CDKL5: variants seen among roughly 807,000 people sequenced by gnomAD.
CDKL5 encodes cyclin-dependent kinase-like 5.
CDKL5 carries 8 observed loss-of-function variants against 61.7 expected under a neutral mutation model. The observed-to-expected ratio is 0.13, with a 90% CI of 0.08 to 0.23. The LOEUF is 0.23. Among genes scored for constraint, CDKL5 ranks in the 10% least tolerant of loss-of-function variants. The pLI is 1.00. For missense variants in CDKL5, 440 were observed against 734.5 expected, an observed-to-expected ratio of 0.60 and a Z score of 4.63; for synonymous variants, 275 against 272.3, an observed-to-expected ratio of 1.01 and a Z score of -0.10.
At position 18,603,841 on chromosome X, in the gene CDKL5, A is replaced by G; in HGVS notation, c.978-61A>G. 8.6e-6 allele frequency: 10 copies of G among 1,158,078 alleles called. No homozygotes were observed. In the South Asian group the frequency reaches 1.3e-4, roughly 15 times the overall value. On this transcript the variant is annotated intron_variant, in intron 11 of 17. Transcript: ENST00000623535. The stretch of plus-strand genomic sequence containing the variant: ...TGAGTATTTGTTCTTTCTTTTTAAC[A>G]ATACTTTTTGTGTGTCAGCTATTGA...
At chrX:18,594,680 A>G (rs1925933105) in intron 9 of CDKL5, among the ~76,000 whole-genome samples, 1 of 112,671 alleles carries the variant, frequency 8.9e-6, no homozygotes, top group Non-Finnish European at 1.9e-5. Flanking sequence ...ATTAAGAATC[A>G]TGTGTATAAG....
intron 1 of CDKL5, among the ~76,000 whole-genome samples, chrX:18,473,651 G>A (rs1921187589): frequency 9.1e-6 from 1 of 109,647 alleles, no homozygotes; most frequent in Non-Finnish European, 1.9e-5. Context: ...ACTGTGATAT[G>A]GACAGTGCTG....
chrX:18,632,232 A>T lies in CDKL5; in HGVS notation c.*3475A>T, dbSNP rs971913264. 6.6e-6 allele frequency: 5 copies of T among 752,488 alleles called. No homozygotes were observed. The allele number at this position is 752,488 out of a possible 1,213,427, so 62.0% of individuals were successfully genotyped here. A position where few individuals can be genotyped will look rare whatever the true frequency, so the allele number is the denominator to read the frequency against. On this transcript the variant is annotated 3_prime_UTR_variant, in exon 18 of 18. Transcript: ENST00000623535. ...TAAGAGTCTTCAACCACTATGCCTG[A>T]ATCCTTGGAATCCTATTGTTCGTTT...
rs778520461 is a variant in CDKL5, at chrX:18,628,771, G to T, written c.*14G>T. On this transcript the variant is annotated 3_prime_UTR_variant, in exon 18 of 18. Transcript: ENST00000623535. ...ACAGCCTTGTAATTTGTGCTGGTAG[G>T]GGGGAGGGGTGGACAGACAAGCCAG... 7.8e-5 allele frequency: 86 copies of T among 1,106,188 alleles called. No homozygotes were observed. The highest frequency in any genetic ancestry group is 3.1e-4 in the South Asian group (14 of 44,587). 91.2% of individuals were successfully genotyped at this position (1,106,188 alleles called of 1,213,427 possible). A position where few individuals can be genotyped will look rare whatever the true frequency, so the allele number is the denominator to read the frequency against.
intron 1 of CDKL5, among the ~76,000 whole-genome samples, chrX:18,469,667 T>A (rs1345664499): frequency 1.8e-5 from 2 of 109,423 alleles, no homozygotes; most frequent in African/African-American, 3.3e-5. Flanking sequence ...AAAAAAAAAA[T>A]TTCATTGAAT....
At chrX:18,545,007 T>C (rs1214596939) in intron 3 of CDKL5, among the ~76,000 whole-genome samples, 1 of 111,203 alleles carries the variant, frequency 9.0e-6, no homozygotes, top group African/African-American at 3.3e-5. Flanking sequence ...GCGGGAGGAT[T>C]GCTTGAGCCT....
rs903010736 is a variant in CDKL5, at chrX:18,631,982, A to G, written c.*3225A>G. 8.6e-6 allele frequency: 5 copies of G among 580,674 alleles called. No individual in the cohort carries two copies. Among genetic ancestry groups the G allele is most frequent in the Non-Finnish European group, 6.2e-6 (3 of 482,255 alleles). 47.9% of individuals were successfully genotyped at this position (580,674 alleles called of 1,213,427 possible). ...GCTGGGGGGGAGGTGATGGTATGCT[A>G]CTGGCATCAAGTGGTTAGAGGCCAC... On this transcript the variant is annotated 3_prime_UTR_variant, in exon 18 of 18. Transcript: ENST00000623535.
chrX:18,604,450 C>T lies in CDKL5; in HGVS notation c.1526C>T (p.Ala509Val), dbSNP rs779325312. 6.5e-5 allele frequency: 79 copies of T among 1,209,614 alleles called. No individual in the cohort carries two copies. The highest frequency in any genetic ancestry group is 8.4e-5 in the Non-Finnish European group (75 of 894,899). Residue 509 changes from alanine to valine, a missense_variant, in exon 12 of 18, where the codon GCG becomes GTG. Coordinates refer to ENST00000623535, the MANE Select transcript of CDKL5 (RefSeq NM_001323289.2). ...CTTTCTGAAGCCAGGGCCCAAATTG[C>T]GGAGCCCAGTACCAGTAGGTACTTC... ...SNLSEARAQI[A>V]EPSTSRYFPS...
At chrX:18,609,218 C>A (rs934343574) in intron 13 of CDKL5, among the ~76,000 whole-genome samples, 4 of 110,523 alleles carry the variant, frequency 3.6e-5, no homozygotes, top group Admixed American at 9.7e-5. Context: ...CATAGCAAGA[C>A]CCCATCTCTA....
Position 18,483,968 on chromosome X carries a change from C to T in CDKL5, c.-162-22967C>T, listed in dbSNP as rs183369571. ...TGACACCACATTGAGAAGTAGGCTC[C>T]TTAGTCACCAGGAGGCTATCTGATT... On this transcript the variant is annotated intron_variant, in intron 1 of 17. Coordinates refer to ENST00000623535, the MANE Select transcript of CDKL5 (RefSeq NM_001323289.2). Among the ~76,000 whole-genome samples the T allele has an allele frequency of 3.6e-5, 4 of 111,695 alleles. No individual in the cohort carries two copies. The Admixed American group carries it at 3.8e-4, about 11-fold the overall frequency.
chrX:18,530,234 A>T (rs1391823402), intron 3 of CDKL5, among the ~76,000 whole-genome samples: 1 of 106,966 alleles, frequency 9.3e-6, no homozygotes, highest in African/African-American at 3.4e-5. Flanking sequence ...CAGGAGGCTG[A>T]GGCAGGAAGA....
intron 20 of CDKL5, among the ~76,000 whole-genome samples, chrX:18,648,537 C>A (rs1184909706): frequency 9.0e-6 from 1 of 111,403 alleles, no homozygotes; most frequent in Non-Finnish European, 1.9e-5. Flanking sequence ...GCCATCACAC[C>A]CAGCCTCCCC....
At chrX:18,620,030 C>A in intron 16 of CDKL5, 64 bp downstream of exon 16, 1 of 675,756 alleles carries the variant, frequency 1.5e-6, no homozygotes, top group Non-Finnish European at 2.3e-6. Flanking sequence ...GGATACTTTA[C>A]ACTTTGCACT....
chrX:18,616,825 C>T (rs908566112), intron 15 of CDKL5, among the ~76,000 whole-genome samples: 20 of 111,106 alleles, frequency 1.8e-4, no homozygotes, highest in Non-Finnish European at 3.8e-4. Context: ...CTTATCACAT[C>T]GCCAGGGGAG....
chrX:18,634,290 C>G lies in CDKL5; in HGVS notation c.*5533C>G. The G allele has an allele frequency of 2.7e-6, 2 of 753,971 alleles. No homozygotes were observed. Among genetic ancestry groups the G allele is most frequent in the Non-Finnish European group, 3.1e-6 (2 of 639,248 alleles). 62.1% of individuals were successfully genotyped at this position (753,971 alleles called of 1,213,427 possible). A position where few individuals can be genotyped will look rare whatever the true frequency, so the allele number is the denominator to read the frequency against. ...TTCCTTTGGTTGGGGATTTTACTTT[C>G]CCAAAAGTCTGATCTGATTTCTTTC... On this transcript the variant is annotated 3_prime_UTR_variant, in exon 18 of 18. Transcript: ENST00000623535.
chrX:18,523,663 C>T (rs1309040393), intron 3 of CDKL5, among the ~76,000 whole-genome samples: 1 of 111,644 alleles, frequency 9.0e-6, no homozygotes, highest in Non-Finnish European at 1.9e-5. Flanking sequence ...GGAACTTGCC[C>T]TCTATTTATA....
intron 20 of CDKL5, among the ~76,000 whole-genome samples, chrX:18,649,056 A>AG (rs1927917004): frequency 9.2e-6 from 1 of 109,192 alleles, no homozygotes. Flanking sequence ...AAAAAAAAAA[A>AG]AAAGAAAACT....
intron 1 of CDKL5, among the ~76,000 whole-genome samples, chrX:18,459,188 A>G (rs1932218140): frequency 8.9e-6 from 1 of 112,300 alleles, no homozygotes. Flanking sequence ...GGTTTTTAGA[A>G]CAAATTTCAT....
downstream of CDKL5, chrX:18,644,657 T>TC (rs1331042796): frequency 4.2e-6 from 5 of 1,187,903 alleles, no homozygotes; most frequent in Admixed American, 1.1e-4. Context: ...ACCGAGAGAC[T>TC]CCCCCTGTGC....
Sources: allele counts gnomAD v4.1 joint callset (sites outside exome capture counted in the v4.1 genomes callset), GRCh38; gene constraint gnomAD v4.1.1; transcripts MANE v1.5; gene names NCBI Gene and HGNC (gene_info 2026-07-23, HGNC 2026-07-21).